The following PITPNM1 variants were observed in gnomAD, a reference collection of about 807,000 sequenced individuals.
PITPNM1 encodes the protein phosphatidylinositol transfer protein membrane associated 1.
PITPNM1 carries 74 observed loss-of-function variants against 133.3 expected under a neutral mutation model. That is an observed-to-expected ratio of 0.56 (90% CI 0.46 to 0.67). The LOEUF is 0.67. Among genes scored for constraint, PITPNM1 ranks in the 30% least tolerant of loss-of-function variants. The pLI, the probability that PITPNM1 is intolerant of heterozygous loss-of-function variation, is 0.00. For missense variants in PITPNM1, 1,398 were observed against 1,739.5 expected (o/e 0.80, Z 3.49); for synonymous variants, 738 against 741.4 (o/e 1.00, Z 0.08).
chr11:67,494,520 C>T (rs985773624), intron 18 of PITPNM1, among the ~76,000 whole-genome samples, 160 bp from the exon 19 acceptor site: 1 of 151,982 alleles, frequency 6.6e-6, no homozygotes, highest in African/African-American at 2.4e-5. Flanking sequence ...CTTTTGTGGA[C>T]CCCGGCCTGA....
chr11:67,494,849 G>T lies in PITPNM1; in HGVS notation c.2739C>A (p.Ile913=), dbSNP rs1351660016. The change falls in exon 18 of 24, where the codon ATC becomes ATA. Residue 913 remains isoleucine (I), a synonymous_variant. Coordinates refer to ENST00000356404, the MANE Select transcript of PITPNM1 (RefSeq NM_004910.3). The part of the protein sequence containing the change: ...KWQRKRTQVK[I]RNVTSNHRAS... Reference sequence around the variant, plus strand: ...GGGCGAGGGGCAGGGCACCTACCCGGATCTTGACCTGCGTGCGTTTTCGCT... The same window carrying T: ...GGGCGAGGGGCAGGGCACCTACCCGTATCTTGACCTGCGTGCGTTTTCGCT... The T allele has an allele frequency of 2.5e-6, 4 of 1,610,580 alleles. No individual in the cohort carries two copies.
At position 67,494,247 on chromosome 11, in the gene PITPNM1, C is replaced by T. The variant is rs763162631; in HGVS notation, c.2856G>A (p.Glu952=). Residue 952 remains glutamate, a synonymous_variant, in exon 19 of 24, where the codon GAG becomes GAA. Coordinates refer to ENST00000356404, the MANE Select transcript of PITPNM1 (RefSeq NM_004910.3). ...GPLDVVTLTG[E]KVDVYIMTQP... ...GACAGGGCCTCTGGGTCCTGACCTT[C>T]TCTCCAGTGAGCGTGACGACGTCCA... The T allele has an allele frequency of 2.5e-6, 4 of 1,612,344 alleles. No individual in the cohort carries two copies. In the Admixed American group the frequency reaches 5.0e-5, roughly 20 times the overall value.
At position 67,498,092 on chromosome 11, in the gene PITPNM1, T is replaced by G. The variant is rs371528353; in HGVS notation, c.1674+41A>C. ...ACCCAGGCCAGACTACAGTGGGGGC[T>G]GCAGTGGAGGGCAGCAGATGGACTG... On this transcript the variant is annotated intron_variant, in intron 11 of 23. Transcript: ENST00000356404. This position sits in a 1 kb window ranked among gnomAD's most constrained non-coding sequence, Gnocchi z 5.7. 6.2e-4 allele frequency: 1,004 copies of G among 1,609,684 alleles called. 4 individuals are homozygous for G. Among genetic ancestry groups the G allele is most frequent in the Non-Finnish European group, 7.9e-4 (935 of 1,179,178 alleles).
Position 67,498,625 on chromosome 11 carries a change from G to A in PITPNM1, c.1455C>T (p.Ile485=), listed in dbSNP as rs200449321. 3.1e-6 allele frequency: 5 copies of A among 1,598,648 alleles called. No individual in the cohort carries two copies. In the East Asian group the frequency reaches 6.7e-5, roughly 21 times the overall value. Residue 485 remains isoleucine (I), a synonymous_variant, in exon 10 of 24, where the codon ATC becomes ATT. Coordinates refer to ENST00000356404, the MANE Select transcript of PITPNM1 (RefSeq NM_004910.3). The surrounding 1 kb of genome is among the most constrained non-coding windows in gnomAD (Gnocchi z 5.7). The stretch of plus-strand genomic sequence containing the variant: ...AGACAAGGGCATAGGCGGCGGCGCA[G>A]ATGGGTGGACAGGGCACCAGTCGCA... ...VALRLVPCPP[I]CAAAYALVSN...
Position 67,500,273 on chromosome 11 carries a change from A to G in PITPNM1, c.789T>C (p.Ser263=). 1.2e-6 allele frequency: 2 copies of G among 1,609,338 alleles called. No individual in the cohort carries two copies. The highest frequency in any genetic ancestry group is 1.7e-6 in the Non-Finnish European group (2 of 1,179,866). The change falls in exon 6 of 24, where the codon AGT becomes AGC. Residue 263 remains serine, a synonymous_variant. Coordinates refer to ENST00000356404, the MANE Select transcript of PITPNM1 (RefSeq NM_004910.3). ...AQRMAKCNTG[S]EGSEAQPPGK... ...CGGGGGGCTGGGCCTCGGACCCCTC[A>G]CTGCCTGTGTTGCACTTGGCCATGC...
chr11:67,498,095 A>T lies in PITPNM1; in HGVS notation c.1674+38T>A, dbSNP rs1446603753. On this transcript the variant is annotated intron_variant, in intron 11 of 23. Coordinates refer to ENST00000356404, the MANE Select transcript of PITPNM1 (RefSeq NM_004910.3). This position sits in a 1 kb window ranked among gnomAD's most constrained non-coding sequence, Gnocchi z 5.7. Reference sequence around the variant, plus strand: ...CAGGCCAGACTACAGTGGGGGCTGCAGTGGAGGGCAGCAGATGGACTGTCC... The same window carrying T: ...CAGGCCAGACTACAGTGGGGGCTGCTGTGGAGGGCAGCAGATGGACTGTCC... 6 of 1,608,370 alleles carry T rather than the reference A, an allele frequency of 3.7e-6. No homozygotes were observed. The highest frequency in any genetic ancestry group is 5.1e-6 in the Non-Finnish European group (6 of 1,177,748).
rs564426282 is a variant in PITPNM1 at position 67,492,151 on chromosome 11, T to C, written c.3617A>G (p.Gln1206Arg). 63 of 1,611,684 alleles carry C rather than the reference T, an allele frequency of 3.9e-5. No individual in the cohort carries two copies. The Middle Eastern group carries it at 5.0e-4, about 13-fold the overall frequency. Reference protein sequence around the residue: ...APVDFLRKQSQLLRSRGPSQA... With the variant: ...APVDFLRKQSRLLRSRGPSQA... ...GCTGGGGCCCCTCGAGCGAAGCAGC[T>C]GGCTCTGTTTGCGCAGGAAGTCCAC... Residue 1206 changes from glutamine to arginine, a missense_variant, in exon 24 of 24, where the codon CAG becomes CGG. Gln to Arg is a conservative substitution (Grantham distance 43, BLOSUM62 1). This residue lies in a region of PITPNM1 where 122 missense variants were observed against 123.3 expected (regional missense o/e 0.99). Coordinates refer to ENST00000356404, the MANE Select transcript of PITPNM1 (RefSeq NM_004910.3).
chr11:67,499,747 G>A lies in PITPNM1; in HGVS notation c.1147C>T (p.Pro383Ser). The A allele has an allele frequency of 6.6e-7, 1 of 1,508,374 alleles. No individual in the cohort carries two copies. The highest frequency in any genetic ancestry group is 8.9e-7 in the Non-Finnish European group (1 of 1,124,382). 93.4% of individuals were successfully genotyped at this position (1,508,374 alleles called of 1,614,324 possible). Reference sequence around the variant, plus strand: ...CCTGGCGTTCCCTCTGCCTCCACTGGGGAGGCAAAGGCATCAATGAAGTCA... The same window carrying A: ...CCTGGCGTTCCCTCTGCCTCCACTGAGGAGGCAAAGGCATCAATGAAGTCA... ...SNDFIDAFAS[P>S]VEAEGTPEPG... is the part of the protein sequence containing the mutation. The change falls in exon 8 of 24, where the codon CCA (proline) becomes TCA (serine). Residue 383 changes from proline to serine, a missense_variant. This residue lies in a region of PITPNM1 where 195 missense variants were observed against 178.8 expected (regional missense o/e 1.09). Coordinates refer to ENST00000356404, the MANE Select transcript of PITPNM1 (RefSeq NM_004910.3).
intron 6 of PITPNM1, 42 bp from the exon 7 acceptor site, chr11:67,500,051 G>A: frequency 6.2e-7 from 1 of 1,604,134 alleles, no homozygotes; most frequent in East Asian, 2.2e-5. Context: ...CAGGAGCCCA[G>A]CCTGGGGAGG....
chr11:67,496,040 G>A, intron 15 of PITPNM1, 138 bp downstream of exon 15: 2 of 858,424 alleles, frequency 2.3e-6, no homozygotes, highest in Non-Finnish European at 3.3e-6. Context: ...CCCCCCCAGG[G>A]GGAAGGAGCG....
intron 19 of PITPNM1, 69 bp downstream of exon 19, chr11:67,494,175 G>T (rs2134274437): frequency 1.3e-6 from 2 of 1,578,944 alleles, no homozygotes; most frequent in Non-Finnish European, 1.7e-6. Flanking sequence ...AACCACCAGG[G>T]ACCAGGAGCT....
Position 67,497,207 on chromosome 11 carries a change from G to A in PITPNM1, c.2146+24C>T, listed in dbSNP as rs1463751043. 12 of 1,554,504 alleles carry A rather than the reference G, an allele frequency of 7.7e-6. No homozygotes were observed. The Admixed American group carries it at 9.3e-5, about 12-fold the overall frequency. On this transcript the variant is annotated intron_variant, in intron 14 of 23. Coordinates refer to ENST00000356404, the MANE Select transcript of PITPNM1 (RefSeq NM_004910.3). ...GAAGGGGCAGACAGAGACTAGAGGCGCCCCCGCAGCCCCTAGGACTCACCC... is the reference window on the plus strand; with the variant it reads ...GAAGGGGCAGACAGAGACTAGAGGCACCCCCGCAGCCCCTAGGACTCACCC...
chr11:67,503,641 C>G (rs1236779118), intron 2 of PITPNM1, among the ~76,000 whole-genome samples: 1 of 152,198 alleles, frequency 6.6e-6, no homozygotes, highest in South Asian at 2.1e-4. Context: ...GAGGGCCTGC[C>G]CTGGCCCACT....
chr11:67,492,164 G>T lies in PITPNM1; in HGVS notation c.3604C>A (p.Arg1202Ser). The T allele has an allele frequency of 6.2e-7, 1 of 1,611,474 alleles. No homozygotes were observed. Among genetic ancestry groups the T allele is most frequent in the African/African-American group, 1.3e-5 (1 of 75,048 alleles). Residue 1202 changes from arginine (R) to serine (S), a missense_variant, in exon 24 of 24, where the codon CGC becomes AGC. Arg to Ser is a moderately radical substitution (Grantham distance 110). Transcript: ENST00000356404. ...YGVAAPVDFL[R>S]KQSQLLRSRG... ...GAGCGAAGCAGCTGGCTCTGTTTGC[G>T]CAGGAAGTCCACGGGGGCAGCCACA...
rs959251791 is a variant in PITPNM1, at chr11:67,498,866, G to A, written c.1234-20C>T. 4 of 1,609,054 alleles carry A rather than the reference G, an allele frequency of 2.5e-6. No homozygotes were observed. Among genetic ancestry groups the A allele is most frequent in the African/African-American group, 1.3e-5 (1 of 74,852 alleles). ...CAGGCCCTGGGGGGAACAATGGGGT[G>A]CAGTGGGTGTCACAGCAGTGGCCGG... On this transcript the variant is annotated intron_variant, in intron 9 of 23. Coordinates refer to ENST00000356404, the MANE Select transcript of PITPNM1 (RefSeq NM_004910.3). The surrounding 1 kb of genome is among the most constrained non-coding windows in gnomAD (Gnocchi z 5.7).
At chr11:67,494,757 A>C in intron 18 of PITPNM1, 89 bp downstream of exon 18, 2 of 516,456 alleles carry the variant, frequency 3.9e-6, no homozygotes, top group Non-Finnish European at 6.2e-6. Context: ...GGACCCGAGG[A>C]GGGGGGTGCT....
rs945010791 is a variant in PITPNM1 at position 67,498,199 on chromosome 11, A to G, written c.1608T>C (p.Ile536=). The change falls in exon 11 of 24, where the codon ATT becomes ATC. Residue 536 remains isoleucine (I), a synonymous_variant. Transcript: ENST00000356404. This position sits in a 1 kb window ranked among gnomAD's most constrained non-coding sequence, Gnocchi z 5.7. ...SRYQGAVATV[I]ARTNQAYSAF... is the part of the protein sequence containing the mutation. ...CTGAGTAGGCCTGGTTGGTGCGGGC[A>G]ATGACGGTGGCCACGGCGCCCTGGT... The G allele has an allele frequency of 6.2e-6, 10 of 1,613,120 alleles. No individual in the cohort carries two copies. The African/African-American group carries it at 1.3e-4, about 22-fold the overall frequency.
At chr11:67,497,760 T>A (rs1591059392) in intron 12 of PITPNM1, 81 bp from the exon 13 acceptor site, 1 of 1,566,144 alleles carries the variant, frequency 6.4e-7, no homozygotes, top group East Asian at 2.2e-5. Flanking sequence ...GGAGCGAGGC[T>A]TGGGGGTTGG....
intron 14 of PITPNM1, chr11:67,496,647 A>C (rs1317073770): frequency 2.6e-6 from 1 of 378,708 alleles, no homozygotes; most frequent in African/African-American, 2.1e-5. Context: ...TAAAAATACA[A>C]AAATTAGCTG....
Sources: allele counts gnomAD v4.1 joint callset (sites outside exome capture counted in the v4.1 genomes callset), GRCh38; gene constraint gnomAD v4.1.1; regional missense constraint gnomAD v4.1.1; non-coding constraint Gnocchi (gnomAD v3.1); transcripts MANE v1.5; gene names NCBI Gene and HGNC (gene_info 2026-07-23, HGNC 2026-07-21).